The following ZNF75D variants were observed in gnomAD, a reference collection of about 807,000 sequenced individuals.
ZNF75D encodes zinc finger protein 75.
A neutral mutation model predicts 33.3 loss-of-function variants in ZNF75D; 33 were observed. The observed-to-expected ratio is 0.99, with a 90% CI of 0.75 to 1.32. The LOEUF (loss-of-function observed/expected upper bound fraction) is 1.32. Among genes scored for constraint, ZNF75D ranks in the 40% most tolerant of loss-of-function variants. The probability of loss-of-function intolerance (pLI) is 0.00; values close to 1 mark genes in which losing one functional copy is unlikely to be tolerated. For synonymous variants in ZNF75D, 113 were observed against 130.6 expected, an observed-to-expected ratio of 0.87 and a Z score of 0.92; for missense variants, 338 against 367.5, an observed-to-expected ratio of 0.92 and a Z score of 0.66.
At chrX:135,274,406 G>C (rs2083892653) in intron 1 of ZNF75D, among the ~76,000 whole-genome samples, 1 of 111,692 alleles carries the variant, frequency 9.0e-6, no homozygotes, top group Non-Finnish European at 1.9e-5. Context: ...GAGGTGTCAG[G>C]GTTTGGCATA....
intron 1 of ZNF75D, among the ~76,000 whole-genome samples, chrX:135,271,636 T>TAGGA (rs1478389259): frequency 8.9e-6 from 1 of 112,114 alleles, no homozygotes; most frequent in Non-Finnish European, 1.9e-5. Context: ...AGTCACAGCA[T>TAGGA]GTTCTGGTCA....
At chrX:135,290,348 A>G (rs892836391) in intron 6 of ZNF75D, among the ~76,000 whole-genome samples, 2 of 112,235 alleles carry the variant, frequency 1.8e-5, no homozygotes, top group Non-Finnish European at 3.8e-5. Flanking sequence ...TTTGAATATG[A>G]TGGATATGCT....
chrX:135,265,590 T>C (rs373382517), intron 1 of ZNF75D, among the ~76,000 whole-genome samples: 1 of 112,048 alleles, frequency 8.9e-6, no homozygotes, highest in East Asian at 2.8e-4. Flanking sequence ...AGTTTTACCC[T>C]AGAATAAAAG....
chrX:135,296,488 G>T (rs1166714591), intron 1 of ZNF75D, among the ~76,000 whole-genome samples: 1 of 111,923 alleles, frequency 8.9e-6, no homozygotes, highest in Non-Finnish European at 1.9e-5. Context: ...AACCAGTTCA[G>T]CACTCTTGTG....
intron 3 of ZNF75D, 147 bp from the exon 4 acceptor site, chrX:135,292,620 A>G: frequency 6.3e-6 from 3 of 472,526 alleles, no homozygotes; most frequent in South Asian, 8.6e-5. Context: ...TTGTGCCACT[A>G]TGTTCTCATA....
At chrX:135,338,685 T>C (rs1483308859) in intron 1 of ZNF75D, among the ~76,000 whole-genome samples, 2 of 112,301 alleles carry the variant, frequency 1.8e-5, no homozygotes, top group Non-Finnish European at 3.8e-5. Flanking sequence ...TTTCTACTGA[T>C]AGAAGAAACT....
chrX:135,263,254 T>C (rs1216793102), intron 1 of ZNF75D, among the ~76,000 whole-genome samples: 1 of 112,920 alleles, frequency 8.9e-6, no homozygotes, highest in Non-Finnish European at 1.9e-5. Flanking sequence ...TGTCTCCCAG[T>C]TGGGCTACAC....
rs2084817183 is a variant in ZNF75D at position 135,344,061 on chromosome X, G to C, written c.-2684C>G. 8.9e-6 allele frequency: 1 copy of C among 112,410 alleles called. No individual in the cohort carries two copies. The highest frequency in any genetic ancestry group is 3.2e-5 in the African/African-American group (1 of 30,894). 9.3% of individuals were successfully genotyped at this position (112,410 alleles called of 1,213,427 possible). A position where few individuals can be genotyped will look rare whatever the true frequency, so the allele number is the denominator to read the frequency against. ...TCAGCTTAGGACCAACGTTAGGGCT[G>C]CGTTTCCCGAACGACACCATTGTAT... On this transcript the variant is annotated 5_prime_UTR_variant, in exon 1 of 7. Coordinates refer to ENST00000370766, the MANE Select transcript of ZNF75D (RefSeq NM_007131.5).
chrX:135,257,263 G>A (rs1332457899), intron 1 of ZNF75D, among the ~76,000 whole-genome samples: 1 of 111,670 alleles, frequency 9.0e-6, no homozygotes, highest in Non-Finnish European at 1.9e-5. Context: ...TTCTGGACCC[G>A]CCCTGGGCCA....
At chrX:135,318,854 A>G (rs1422493135) in intron 1 of ZNF75D, among the ~76,000 whole-genome samples, 2 of 112,258 alleles carry the variant, frequency 1.8e-5, no homozygotes, top group African/African-American at 6.5e-5. Flanking sequence ...ACAAAATACT[A>G]GAAAAAGTAA....
intron 3 of ZNF75D, 141 bp from the exon 4 acceptor site, chrX:135,292,614 G>T: frequency 2.1e-6 from 1 of 485,809 alleles, no homozygotes. Context: ...GAGGTATTGT[G>T]CCACTATGTT....
At chrX:135,320,877 T>A (rs1290704167) in intron 1 of ZNF75D, among the ~76,000 whole-genome samples, 5 of 111,735 alleles carry the variant, frequency 4.5e-5, no homozygotes, top group Admixed American at 2.8e-4. Flanking sequence ...TTTATGCTCG[T>A]CTTGTCAGTT....
rs367698229 is a variant in ZNF75D at position 135,317,729 on chromosome X, G to A, written c.-390-21690C>T. On this transcript the variant is annotated intron_variant, in intron 1 of 6. Transcript: ENST00000370766. ...ATTCAGGTGCCAATGTTAGTGGACTGGGCTTGGTAATCCCCTGGCTCCTGG... is the reference window on the plus strand; with the variant it reads ...ATTCAGGTGCCAATGTTAGTGGACTAGGCTTGGTAATCCCCTGGCTCCTGG... 2.7e-5 allele frequency among the ~76,000 whole-genome samples: 3 copies of A among 111,142 alleles called. No homozygotes were observed. In the East Asian group the frequency reaches 8.5e-4, roughly 32 times the overall value.
chrX:135,278,907 A>G (rs1271314200), intron 1 of ZNF75D, among the ~76,000 whole-genome samples: 1 of 110,616 alleles, frequency 9.0e-6, no homozygotes, highest in Non-Finnish European at 1.9e-5. Context: ...TTTATTGAGG[A>G]TTTTTTCATT....
At chrX:135,310,543 T>C (rs1176631377) in intron 1 of ZNF75D, among the ~76,000 whole-genome samples, 1 of 111,588 alleles carries the variant, frequency 9.0e-6, no homozygotes, top group Non-Finnish European at 1.9e-5. Context: ...ATTAAAACCA[T>C]AACAAATTCC....
At chrX:135,267,725 G>C (rs782097804) in intron 1 of ZNF75D, among the ~76,000 whole-genome samples, 36 of 107,649 alleles carry the variant, frequency 3.3e-4, no homozygotes, top group Non-Finnish European at 5.8e-4. Flanking sequence ...AAACTGTTCT[G>C]AAAAGTAGTG....
In ZNF75D at chrX:135,295,817, C is replaced by G. The variant is rs781866446; in HGVS notation, c.-168G>C. ...GAGGCCACTTTCCTCTTCCTCGGCT[C>G]GACTACGCCTCTGCCTCTGTGGCCA... On this transcript the variant is annotated 5_prime_UTR_variant, in exon 2 of 7. Transcript: ENST00000370766. 8.9e-6 allele frequency: 1 copy of G among 112,151 alleles called. No homozygotes were observed. The highest frequency in any genetic ancestry group is 3.3e-5 in the African/African-American group (1 of 30,747). The allele number at this position is 112,151 out of a possible 1,213,427, so 9.2% of individuals were successfully genotyped here. A position where few individuals can be genotyped will look rare whatever the true frequency, so the allele number is the denominator to read the frequency against.
intron 2 of ZNF75D, among the ~76,000 whole-genome samples, chrX:135,295,329 C>T (rs1556422564): frequency 1.8e-5 from 2 of 111,721 alleles, no homozygotes; most frequent in Non-Finnish European, 3.8e-5. Context: ...TGTTCATAAG[C>T]CATCAAAAAT....
chrX:135,260,535 G>A (rs1479722813), intron 1 of ZNF75D, among the ~76,000 whole-genome samples: 1 of 111,888 alleles, frequency 8.9e-6, no homozygotes, highest in Non-Finnish European at 1.9e-5. Flanking sequence ...GGGTGTATGT[G>A]TCCAGGAATT....
Sources: gnomAD v4.1 joint callset for allele counts (sites outside exome capture counted in the v4.1 genomes callset) on GRCh38, gnomAD v4.1.1 for gene constraint, MANE v1.5 for transcripts, NCBI Gene and HGNC (gene_info 2026-07-23, HGNC 2026-07-21) for gene names.